Variants in DEPDC4 observed in about 807,000 individuals in gnomAD.
DEPDC4 encodes the protein DEP domain-containing protein 4.
Under a neutral mutation model 52.0 loss-of-function variants are expected in DEPDC4, and 52 were observed. The ratio of observed to expected loss-of-function variants is 1.00; its 90% CI spans 0.80 to 1.26. The LOEUF (loss-of-function observed/expected upper bound fraction) is 1.26, where lower values mean the gene tolerates loss of function less well. DEPDC4 is among the 50% of genes most tolerant of loss of function. The pLI is 0.00. For synonymous variants in DEPDC4, 201 were observed against 196.8 expected, an observed-to-expected ratio of 1.02 and a Z score of -0.18; for missense variants, 530 against 546.9, an observed-to-expected ratio of 0.97 and a Z score of 0.31.
chr12:100,254,678 TCTCTC>T (rs1355895875), intron 4 of DEPDC4, among the ~76,000 whole-genome samples: 1 of 151,800 alleles, frequency 6.6e-6, no homozygotes, highest in Non-Finnish European at 1.5e-5. Context: ...TCTACCTCCC[TCTCTC>T]CTTTCCTTCC....
the DEPDC4 span, among the ~76,000 whole-genome samples, chr12:100,278,869 C>CAAAAG: frequency 6.6e-6 from 1 of 152,136 alleles, no homozygotes; most frequent in African/African-American, 2.4e-5. Flanking sequence ...ACCTTGTGAT[C>CAAAAG]TGCCTACCTC....
intron 9 of DEPDC4, among the ~76,000 whole-genome samples, chr12:100,234,198 AT>A (rs1259967914): frequency 1.3e-5 from 2 of 152,202 alleles, no homozygotes; most frequent in Non-Finnish European, 2.9e-5. Context: ...TTAAAAGATG[AT>A]TTTATTCAGG....
intron 8 of DEPDC4, among the ~76,000 whole-genome samples, chr12:100,248,492 G>T (rs556394744): frequency 6.6e-6 from 1 of 152,264 alleles, no homozygotes; most frequent in South Asian, 2.1e-4. Flanking sequence ...TCAACTGGGG[G>T]CCAGGCTACT....
intron 3 of DEPDC4, among the ~76,000 whole-genome samples, chr12:100,259,079 A>T (rs189353975): frequency 0.042 from 5,824 of 139,622 alleles, 263 homozygotes; most frequent in African/African-American, 0.13. Context: ...TCAAAAAAAA[A>T]AAATATATAT....
the DEPDC4 span, among the ~76,000 whole-genome samples, chr12:100,281,229 A>G: frequency 1.3e-5 from 2 of 151,692 alleles, no homozygotes; most frequent in African/African-American, 2.4e-5. Context: ...GGGTTTCTCC[A>G]TGTTTCCCAG....
Position 100,267,055 on chromosome 12 carries a change from C to T in DEPDC4, c.22G>A (p.Ala8Thr). The change falls in exon 1 of 10, where the codon GCG becomes ACG. Residue 8 changes from alanine to threonine, a missense_variant. Ala to Thr is a moderately conservative substitution (Grantham distance 58). Transcript: ENST00000550587. ...AAAAGAACCGCCATAAGCTCGCGCG[C>T]TGGCTCCTCCCCTGGCACCATAGCC... MVPGEEP[A>T]RELMAVLLTP... is the part of the protein sequence containing the mutation. The T allele has an allele frequency of 6.2e-7, 1 of 1,613,736 alleles. No homozygotes were observed. Among genetic ancestry groups the T allele is most frequent in the Non-Finnish European group, 8.5e-7 (1 of 1,179,822 alleles).
chr12:100,266,619 G>C (rs1388266374), intron 1 of DEPDC4, among the ~76,000 whole-genome samples: 1 of 152,200 alleles, frequency 6.6e-6, no homozygotes, highest in Non-Finnish European at 1.5e-5. Flanking sequence ...TAGAAACGCA[G>C]ATTATCAGAC....
At chr12:100,252,621 G>A in intron 5 of DEPDC4, 85 bp from the exon 6 acceptor site, 1 of 1,321,452 alleles carries the variant, frequency 7.6e-7, no homozygotes, top group Non-Finnish European at 1.0e-6. Flanking sequence ...CAATTAAAAT[G>A]CTACAATGTT....
downstream of DEPDC4, among the ~76,000 whole-genome samples, chr12:100,239,222 G>A (rs976728457): frequency 2.0e-5 from 3 of 151,952 alleles, no homozygotes; most frequent in Non-Finnish European, 4.4e-5. Context: ...GATTACAGGT[G>A]CCCACCACCA....
chr12:100,277,602 A>G, the DEPDC4 span, among the ~76,000 whole-genome samples: 1 of 152,120 alleles, frequency 6.6e-6, no homozygotes, highest in Non-Finnish European at 1.5e-5. Flanking sequence ...TATACTTTTA[A>G]AGTGGGTTTT....
chr12:100,235,547 C>T (rs116064860), downstream of DEPDC4, among the ~76,000 whole-genome samples: 4,197 of 151,730 alleles, frequency 0.028, 186 homozygotes, highest in African/African-American at 0.094. Flanking sequence ...CCTTTCACCC[C>T]CAAGTCCCCA....
At chr12:100,267,979 G>A (rs148330887), upstream of DEPDC4, among the ~76,000 whole-genome samples, 45 of 151,806 alleles carry the variant, frequency 3.0e-4, no homozygotes, top group African/African-American at 1.0e-3. Context: ...CTGCAGTCTT[G>A]TTTTTCTAAA....
chr12:100,271,216 G>A (rs76891700), upstream of DEPDC4, among the ~76,000 whole-genome samples: 124 of 137,468 alleles, frequency 9.0e-4, 2 homozygotes, highest in East Asian at 0.024. Context: ...TACATCTTAA[G>A]GCCAACTCTG....
chr12:100,269,377 A>G (rs1240397124), upstream of DEPDC4, among the ~76,000 whole-genome samples: 2 of 151,996 alleles, frequency 1.3e-5, no homozygotes, highest in African/African-American at 4.8e-5. Flanking sequence ...TTCAGGGAAG[A>G]CTTTCCTGAT....
Position 100,253,554 on chromosome 12 carries a change from T to A in DEPDC4, c.1040A>T (p.Gln347Leu), listed in dbSNP as rs1489442798. ...ATCAGTTAATAGGCAATCTCTCTCT[T>A]GAGCATAGTATTTTGCTATGACATC... ...LFDVIAKYYA[Q>L]ERDCLLTDEY... is the part of the protein sequence containing the mutation. The change falls in exon 5 of 10, where the codon CAA becomes CTA. Residue 347 changes from glutamine (Q) to leucine (L), a missense_variant. Transcript: ENST00000550587. 1 of 1,288,234 alleles carries A rather than the reference T, an allele frequency of 7.8e-7. No individual in the cohort carries two copies. The highest frequency in any genetic ancestry group is 1.0e-6 in the Non-Finnish European group (1 of 987,976). 79.8% of individuals were successfully genotyped at this position (1,288,234 alleles called of 1,614,324 possible).
chr12:100,278,269 A>T, the DEPDC4 span, among the ~76,000 whole-genome samples: 1 of 151,900 alleles, frequency 6.6e-6, no homozygotes, highest in Non-Finnish European at 1.5e-5. Context: ...GTGCAATCAC[A>T]ACTCACTGCA....
chr12:100,268,532 G>A (rs920269781), upstream of DEPDC4, among the ~76,000 whole-genome samples: 1 of 152,116 alleles, frequency 6.6e-6, no homozygotes, highest in Admixed American at 6.6e-5. Context: ...GCTTTTGGGG[G>A]ATTGTGTAAA....
chr12:100,267,199 T>C (rs1186733725), upstream of DEPDC4: 9 of 1,067,204 alleles, frequency 8.4e-6, no homozygotes, highest in South Asian at 4.8e-5. Context: ...CCTCCCTTAC[T>C]CTTCGTCCCC....
chr12:100,270,266 C>T (rs80294810), upstream of DEPDC4, among the ~76,000 whole-genome samples: 9 of 152,138 alleles, frequency 5.9e-5, no homozygotes, highest in African/African-American at 1.7e-4. Context: ...GGATTAAAGG[C>T]GTGAGCCACC....
Sources: gnomAD v4.1 joint callset for allele counts (sites outside exome capture counted in the v4.1 genomes callset) on GRCh38, gnomAD v4.1.1 for gene constraint, MANE v1.5 for transcripts, NCBI Gene and HGNC (gene_info 2026-07-23, HGNC 2026-07-21) for gene names.